LDB2: variants seen among roughly 807,000 people sequenced by gnomAD.
LDB2 encodes the protein LIM domain-binding protein 2.
A neutral mutation model predicts 44.3 loss-of-function variants in LDB2; 12 were observed. That is an observed-to-expected ratio of 0.27 (90% CI 0.17 to 0.44). The LOEUF is 0.44. Among genes scored for constraint, LDB2 ranks in the 20% least tolerant of loss-of-function variants. The pLI is 1.00. For synonymous variants in LDB2, 164 were observed against 174.8 expected, an observed-to-expected ratio of 0.94 and a Z score of 0.49; for missense variants, 344 against 473.5, an observed-to-expected ratio of 0.73 and a Z score of 2.54.
chr4:16,677,964 C>A (rs1486033708), intron 2 of LDB2, among the ~76,000 whole-genome samples: 1 of 152,196 alleles, frequency 6.6e-6, no homozygotes, highest in Non-Finnish European at 1.5e-5. Context: ...CTGAGAGACA[C>A]CTAAGTGTGT....
intron 2 of LDB2, among the ~76,000 whole-genome samples, chr4:16,689,275 C>T (rs188437244): frequency 1.1e-4 from 17 of 152,284 alleles, no homozygotes; most frequent in Admixed American, 2.6e-4. Flanking sequence ...TCCCTTCCTC[C>T]GCTCCCCAAT....
intron 2 of LDB2, among the ~76,000 whole-genome samples, chr4:16,672,705 A>G (rs1745121743): frequency 6.6e-6 from 1 of 151,000 alleles, no homozygotes; most frequent in Admixed American, 6.6e-5. Context: ...CTCTAATTAA[A>G]CACAGTGCCT....
intron 2 of LDB2, among the ~76,000 whole-genome samples, chr4:16,611,475 C>T (rs1266929101): frequency 6.6e-6 from 1 of 150,596 alleles, no homozygotes; most frequent in Non-Finnish European, 1.5e-5. Context: ...ACCCATCTTA[C>T]ATGCAAAGAA....
intron 1 of LDB2, among the ~76,000 whole-genome samples, chr4:16,856,540 C>G (rs1789394229): frequency 6.6e-6 from 1 of 152,124 alleles, no homozygotes; most frequent in South Asian, 2.1e-4. Flanking sequence ...TTTAACTACT[C>G]AACTCTGCCA....
At chr4:16,804,310 A>G (rs1778386256) in intron 1 of LDB2, among the ~76,000 whole-genome samples, 6 of 152,164 alleles carry the variant, frequency 3.9e-5, no homozygotes, top group Admixed American at 3.3e-4. Flanking sequence ...ATATTAATAC[A>G]TAGAAAGGGG....
At chr4:16,561,596 A>G (rs916277373) in intron 5 of LDB2, among the ~76,000 whole-genome samples, 1 of 152,236 alleles carries the variant, frequency 6.6e-6, no homozygotes, top group Non-Finnish European at 1.5e-5. Context: ...AGAACATTCC[A>G]TGCTCATGGG....
At chr4:16,898,186 C>T (rs1725878291) in intron 1 of LDB2, among the ~76,000 whole-genome samples, 168 bp downstream of exon 1, 1 of 151,876 alleles carries the variant, frequency 6.6e-6, no homozygotes, top group Non-Finnish European at 1.5e-5. Flanking sequence ...GTTGCTGTGC[C>T]TGGAAACCCA....
At chr4:16,876,310 T>G (rs1205570158) in intron 1 of LDB2, among the ~76,000 whole-genome samples, 1 of 152,184 alleles carries the variant, frequency 6.6e-6, no homozygotes, top group Non-Finnish European at 1.5e-5. Context: ...AATCTAGGGG[T>G]ACACACCTCT....
chr4:16,619,047 C>T (rs1337148008), intron 2 of LDB2, among the ~76,000 whole-genome samples: 1 of 152,178 alleles, frequency 6.6e-6, no homozygotes, highest in Non-Finnish European at 1.5e-5. Context: ...CTCAGTCATG[C>T]TTCCTGTACA....
intron 1 of LDB2, among the ~76,000 whole-genome samples, chr4:16,848,695 AAAT>A (rs1171995894): frequency 2.6e-5 from 4 of 152,194 alleles, no homozygotes; most frequent in African/African-American, 9.6e-5. Flanking sequence ...CCATCTCAGT[AAAT>A]AATAGCAATA....
At chr4:16,517,636 C>G (rs57243302) in intron 5 of LDB2, among the ~76,000 whole-genome samples, 5 of 152,180 alleles carry the variant, frequency 3.3e-5, no homozygotes, top group African/African-American at 9.6e-5. Flanking sequence ...CAGCAAGGCC[C>G]GAGATCCCTC....
chr4:16,629,418 A>C (rs1453184855), intron 2 of LDB2, among the ~76,000 whole-genome samples: 1 of 152,150 alleles, frequency 6.6e-6, no homozygotes, highest in Non-Finnish European at 1.5e-5. Flanking sequence ...TCTGGGATGA[A>C]GCTTCCAGAG....
chr4:16,710,771 C>A lies in LDB2; in HGVS notation c.235+48387G>T, dbSNP rs1755690103. 2.0e-5 allele frequency among the ~76,000 whole-genome samples: 3 copies of A among 152,270 alleles called. No homozygotes were observed. In the South Asian group the frequency reaches 6.2e-4, roughly 32 times the overall value. The stretch of plus-strand genomic sequence containing the variant: ...TGAGCTTTATTGTTAGGCCAAGGGT[C>A]ATCCTTTTTTAACTTTTCCACTCTT... On this transcript the variant is annotated intron_variant, in intron 2 of 7. Coordinates refer to ENST00000304523, the MANE Select transcript of LDB2 (RefSeq NM_001290.5).
intron 5 of LDB2, among the ~76,000 whole-genome samples, chr4:16,562,913 G>GT (rs976615707): frequency 6.6e-6 from 1 of 152,174 alleles, no homozygotes; most frequent in African/African-American, 2.4e-5. Flanking sequence ...CATGTCCTTT[G>GT]TAGGGACATG....
chr4:16,801,658 T>C (rs1227788923), intron 1 of LDB2, among the ~76,000 whole-genome samples: 1 of 152,212 alleles, frequency 6.6e-6, no homozygotes, highest in Non-Finnish European at 1.5e-5. Flanking sequence ...TAGTGCAACA[T>C]AATAATGTTC....
At chr4:16,712,124 A>G (rs111870781) in intron 2 of LDB2, among the ~76,000 whole-genome samples, 129 of 152,322 alleles carry the variant, frequency 8.5e-4, no homozygotes, top group African/African-American at 3.1e-3. Flanking sequence ...AAATGAAAAG[A>G]CAGTACACAC....
chr4:16,615,919 T>C (rs1415257061), intron 2 of LDB2, among the ~76,000 whole-genome samples: 1 of 152,096 alleles, frequency 6.6e-6, no homozygotes, highest in Non-Finnish European at 1.5e-5. Flanking sequence ...CTGTGTAACC[T>C]TGGGCAAGTT....
intron 1 of LDB2, among the ~76,000 whole-genome samples, chr4:16,847,805 A>T (rs1787377538): frequency 6.6e-6 from 1 of 152,090 alleles, no homozygotes; most frequent in African/African-American, 2.4e-5. Context: ...TTTTGTAGAG[A>T]CGGGGTTTTA....
chr4:16,819,092 TTGTGTG>T (rs34553159), intron 1 of LDB2, among the ~76,000 whole-genome samples: 4,430 of 148,660 alleles, frequency 0.03, 89 homozygotes, highest in South Asian at 0.053. Flanking sequence ...TTGTGGTTGC[TTGTGTG>T]TGTGTGTGTG....
Sources: gnomAD v4.1 joint callset for allele counts (sites outside exome capture counted in the v4.1 genomes callset) on GRCh38, gnomAD v4.1.1 for gene constraint, MANE v1.5 for transcripts, NCBI Gene and HGNC (gene_info 2026-07-23, HGNC 2026-07-21) for gene names.